TBC1D9: variants seen among roughly 807,000 people sequenced by gnomAD.
The protein encoded by TBC1D9 is TBC1 domain family member 9A.
In TBC1D9, 63 loss-of-function variants were observed where a neutral mutation model predicts 132.0. The ratio of observed to expected loss-of-function variants is 0.48; its 90% CI spans 0.39 to 0.59. The LOEUF (loss-of-function observed/expected upper bound fraction) is 0.59, where lower values mean the gene tolerates loss of function less well. Among genes scored for constraint, TBC1D9 ranks in the 20% least tolerant of loss-of-function variants. The probability of loss-of-function intolerance (pLI) is 0.00; values close to 1 mark genes in which losing one functional copy is unlikely to be tolerated. For synonymous variants in TBC1D9, 610 were observed against 609.9 expected (o/e 1.00, Z 0.00); for missense variants, 1,261 against 1,592.7 (o/e 0.79, Z 3.54).
intron 3 of TBC1D9, among the ~76,000 whole-genome samples, chr4:140,682,170 C>G (rs1278000860): frequency 1.3e-5 from 2 of 152,092 alleles, no homozygotes; most frequent in African/African-American, 4.8e-5. Flanking sequence ...TTAGCAATGC[C>G]TGAGAAATTA....
intron 17 of TBC1D9, 44 bp downstream of exon 17, chr4:140,628,256 G>C: frequency 6.3e-7 from 1 of 1,587,482 alleles, no homozygotes; most frequent in Non-Finnish European, 8.7e-7. Context: ...TTCAAGCCAG[G>C]TCATGGTTAC....
chr4:140,626,795 C>CT (rs1736715719), intron 18 of TBC1D9, among the ~76,000 whole-genome samples: 1 of 152,062 alleles, frequency 6.6e-6, no homozygotes, highest in Non-Finnish European at 1.5e-5. Context: ...ATATTTTAAC[C>CT]TTTGTAGGTC....
intron 1 of TBC1D9, among the ~76,000 whole-genome samples, chr4:140,710,356 A>G (rs1738223912): frequency 6.6e-6 from 1 of 152,150 alleles, no homozygotes; most frequent in African/African-American, 2.4e-5. Flanking sequence ...GACAAAGCTA[A>G]GAGAGGTGGA....
intron 2 of TBC1D9, among the ~76,000 whole-genome samples, chr4:140,695,322 CTCTA>C (rs1180680810): frequency 6.6e-6 from 1 of 152,160 alleles, no homozygotes; most frequent in Non-Finnish European, 1.5e-5. Flanking sequence ...ACGATAGCTG[CTCTA>C]TCTTTCATTT....
chr4:140,665,595 A>G (rs1476648357), intron 9 of TBC1D9, among the ~76,000 whole-genome samples: 2 of 152,210 alleles, frequency 1.3e-5, no homozygotes, highest in Non-Finnish European at 1.5e-5. Flanking sequence ...TCATTCATAC[A>G]TTCAAGAGAA....
At chr4:140,634,314 G>A in intron 15 of TBC1D9, 126 bp from the exon 16 acceptor site, 1 of 1,333,446 alleles carries the variant, frequency 7.5e-7, no homozygotes, top group Non-Finnish European at 1.0e-6. Context: ...CAGGGCTGTG[G>A]CCTCAGGGCC....
chr4:140,634,213 G>A, intron 15 of TBC1D9, 25 bp from the exon 16 acceptor site: 1 of 1,605,188 alleles, frequency 6.2e-7, no homozygotes, highest in Non-Finnish European at 8.5e-7. Flanking sequence ...ATGATCACTG[G>A]GGACCCTCTT....
intron 1 of TBC1D9, among the ~76,000 whole-genome samples, chr4:140,742,914 A>G (rs1325003156): frequency 6.6e-6 from 1 of 151,720 alleles, no homozygotes; most frequent in Non-Finnish European, 1.5e-5. Context: ...AGGAGGAGAA[A>G]GAGAAAGAAA....
At chr4:140,707,992 G>A (rs1244773617) in intron 1 of TBC1D9, among the ~76,000 whole-genome samples, 1 of 151,788 alleles carries the variant, frequency 6.6e-6, no homozygotes, top group East Asian at 1.9e-4. Context: ...AAAAAAGTAT[G>A]GTTTCCTCCC....
chr4:140,670,710 T>C lies in TBC1D9; in HGVS notation c.1266+10A>G, dbSNP rs1196779000. 24 of 1,612,006 alleles carry C rather than the reference T, an allele frequency of 1.5e-5. No homozygotes were observed. The highest frequency in any genetic ancestry group is 2.0e-5 in the Non-Finnish European group (24 of 1,178,968). Reference sequence around the variant, plus strand: ...TAAACCAAAAATACTTTCAGGTGTCTCCCACAGACCTCATCATCTGAACTG... The same window carrying C: ...TAAACCAAAAATACTTTCAGGTGTCCCCCACAGACCTCATCATCTGAACTG... On this transcript the variant is annotated intron_variant, in intron 7 of 20. Coordinates refer to ENST00000442267, the MANE Select transcript of TBC1D9 (RefSeq NM_015130.3).
chr4:140,644,533 G>A (rs987052509), intron 13 of TBC1D9: 10 of 296,272 alleles, frequency 3.4e-5, no homozygotes, highest in African/African-American at 1.4e-4. Context: ...CAGGGCAAGC[G>A]GTGGCCAGGC....
intron 2 of TBC1D9, among the ~76,000 whole-genome samples, chr4:140,688,427 A>T (rs1282437683): frequency 6.6e-6 from 1 of 152,168 alleles, no homozygotes; most frequent in Non-Finnish European, 1.5e-5. Context: ...GTGCTTTCGG[A>T]GGCAGAGGTG....
At chr4:140,724,712 T>C (rs1052441934) in intron 1 of TBC1D9, among the ~76,000 whole-genome samples, 1 of 147,490 alleles carries the variant, frequency 6.8e-6, no homozygotes, top group African/African-American at 2.5e-5. Flanking sequence ...AGTTCCTAAA[T>C]TGGTCAATAA....
intron 13 of TBC1D9, among the ~76,000 whole-genome samples, chr4:140,648,180 A>G (rs1737131717): frequency 6.6e-6 from 1 of 152,150 alleles, no homozygotes; most frequent in South Asian, 2.1e-4. Flanking sequence ...GCCTATAATT[A>G]TTTTAATTTT....
At chr4:140,669,478 A>G (rs1015201105) in intron 8 of TBC1D9, among the ~76,000 whole-genome samples, 156 bp downstream of exon 8, 5 of 152,240 alleles carry the variant, frequency 3.3e-5, no homozygotes, top group Non-Finnish European at 7.3e-5. Context: ...CCATGAAGCC[A>G]CTGTGAAAGT....
Position 140,704,950 on chromosome 4 carries a change from G to A in TBC1D9, c.131-3336C>T, listed in dbSNP as rs80138098. Among the ~76,000 whole-genome samples the A allele has an allele frequency of 8.6e-3, 1,314 of 152,274 alleles. 14 individuals are homozygous for A. Among genetic ancestry groups the A allele is most frequent in the African/African-American group, 0.029 (1,217 of 41,542 alleles). ...TGAAAACTAACAGATATACATGTACGTAGCACAGGTACATGCTGAAATATT... is the reference window on the plus strand; with the variant it reads ...TGAAAACTAACAGATATACATGTACATAGCACAGGTACATGCTGAAATATT... On this transcript the variant is annotated intron_variant, in intron 1 of 20. Coordinates refer to ENST00000442267, the MANE Select transcript of TBC1D9 (RefSeq NM_015130.3).
intron 3 of TBC1D9, among the ~76,000 whole-genome samples, chr4:140,685,868 G>A (rs1331434393): frequency 6.6e-6 from 1 of 152,086 alleles, no homozygotes; most frequent in Admixed American, 6.6e-5. Context: ...AAGAGAGGCT[G>A]GTGAATGGTA....
At chr4:140,683,122 C>T (rs946924409) in intron 3 of TBC1D9, among the ~76,000 whole-genome samples, 7 of 152,266 alleles carry the variant, frequency 4.6e-5, no homozygotes, top group South Asian at 2.1e-4. Flanking sequence ...AGGTGATCTG[C>T]CTGCCTCAGC....
intron 9 of TBC1D9, among the ~76,000 whole-genome samples, chr4:140,664,542 G>A (rs576527315): frequency 1.7e-4 from 26 of 152,214 alleles, no homozygotes; most frequent in Non-Finnish European, 2.6e-4. Context: ...GAAAATTGGA[G>A]GACTCACACT....
Sources: allele counts gnomAD v4.1 joint callset (sites outside exome capture counted in the v4.1 genomes callset), GRCh38; gene constraint gnomAD v4.1.1; transcripts MANE v1.5; gene names NCBI Gene and HGNC (gene_info 2026-07-23, HGNC 2026-07-21).